The following COL27A1 variants were observed in gnomAD, a reference collection of about 807,000 sequenced individuals.
COL27A1 encodes collagen alpha-1(XXVII) chain.
In COL27A1, 106 loss-of-function variants were observed where a neutral mutation model predicts 251.3. The observed-to-expected ratio is 0.42, with a 90% confidence interval of 0.36 to 0.50. The LOEUF (loss-of-function observed/expected upper bound fraction) is 0.50. COL27A1 is among the 20% of genes least tolerant of loss of function. The probability of loss-of-function intolerance (pLI) is 0.00; values close to 1 mark genes in which losing one functional copy is unlikely to be tolerated. For missense variants in COL27A1, 2,325 were observed against 2,522.8 expected (o/e 0.92, Z 1.68); for synonymous variants, 1,000 against 986.3 (o/e 1.01, Z -0.26).
intron 16 of COL27A1, among the ~76,000 whole-genome samples, chr9:114,232,406 C>T (rs1014395269): frequency 1.3e-5 from 2 of 152,224 alleles, no homozygotes; most frequent in African/African-American, 4.8e-5. Context: ...TGTGCCAAAC[C>T]AGAGTTGGAA....
chr9:114,155,820 G>A lies in COL27A1; in HGVS notation c.-131G>A, dbSNP rs1210252069. Reference sequence around the variant, plus strand: ...TGCCTGCTCGGGCGCCCCTGGGCGCGGGGCTGCGCTGGGGGCGCGGGGGCC... The same window carrying A: ...TGCCTGCTCGGGCGCCCCTGGGCGCAGGGCTGCGCTGGGGGCGCGGGGGCC... On this transcript the variant is annotated 5_prime_UTR_variant, in exon 1 of 61. Coordinates refer to ENST00000356083, the MANE Select transcript of COL27A1 (RefSeq NM_032888.4). This position sits in a 1 kb window ranked among gnomAD's most constrained non-coding sequence, Gnocchi z 5.5. 1 of 748,778 alleles carries A rather than the reference G, an allele frequency of 1.3e-6. No homozygotes were observed. The highest frequency in any genetic ancestry group is 1.9e-5 in the African/African-American group (1 of 52,406). 46.4% of individuals were successfully genotyped at this position (748,778 alleles called of 1,614,324 possible).
intron 5 of COL27A1, among the ~76,000 whole-genome samples, chr9:114,193,717 G>T (rs975342465): frequency 6.6e-6 from 1 of 152,114 alleles, no homozygotes; most frequent in African/African-American, 2.4e-5. Context: ...CCTGTAAGTG[G>T]CTGTTCGTGC....
At chr9:114,188,510 C>T (rs1828536782) in intron 5 of COL27A1, among the ~76,000 whole-genome samples, 1 of 152,164 alleles carries the variant, frequency 6.6e-6, no homozygotes, top group Non-Finnish European at 1.5e-5. Context: ...GTTCATACCT[C>T]ATAGGATTGT....
At chr9:114,249,198 C>T (rs1184401595) in intron 24 of COL27A1, among the ~76,000 whole-genome samples, 2 of 152,166 alleles carry the variant, frequency 1.3e-5, no homozygotes, top group African/African-American at 2.4e-5. Flanking sequence ...GTGCTCAATA[C>T]GTTGAAGCCG....
intron 12 of COL27A1, among the ~76,000 whole-genome samples, chr9:114,212,793 C>T (rs529494817): frequency 4.6e-5 from 7 of 152,300 alleles, no homozygotes; most frequent in East Asian, 3.9e-4. Flanking sequence ...TAGAGCCGCC[C>T]GGAATAAGGT....
At chr9:114,170,740 C>T (rs1466007740) in intron 3 of COL27A1, among the ~76,000 whole-genome samples, 1 of 152,200 alleles carries the variant, frequency 6.6e-6, no homozygotes, top group Non-Finnish European at 1.5e-5. Flanking sequence ...AAATTGGCAG[C>T]GTAGAGAGTT....
At chr9:114,308,314 A>G (rs975358019) in intron 59 of COL27A1, among the ~76,000 whole-genome samples, 1 of 152,230 alleles carries the variant, frequency 6.6e-6, no homozygotes, top group Non-Finnish European at 1.5e-5. Flanking sequence ...GTGGGTCTGT[A>G]GTTCCACTAA....
chr9:114,219,365 G>T (rs1830928501), intron 12 of COL27A1, among the ~76,000 whole-genome samples: 1 of 152,204 alleles, frequency 6.6e-6, no homozygotes, highest in Non-Finnish European at 1.5e-5. Flanking sequence ...GGCTTTTGAA[G>T]AACGTGCCAC....
At chr9:114,233,457 G>A (rs1490845956) in intron 16 of COL27A1, among the ~76,000 whole-genome samples, 1 of 151,012 alleles carries the variant, frequency 6.6e-6, no homozygotes, top group Non-Finnish European at 1.5e-5. Flanking sequence ...TTGCCCTGCT[G>A]TCTGCTACAC....
intron 5 of COL27A1, 128 bp from the exon 6 acceptor site, chr9:114,194,276 G>A: frequency 1.2e-6 from 1 of 845,740 alleles, no homozygotes; most frequent in East Asian, 2.4e-5. Flanking sequence ...CCCTCTGGAG[G>A]TGTGTGAGTG....
chr9:114,301,978 G>T, intron 55 of COL27A1, 104 bp from the exon 56 acceptor site: 4 of 1,174,292 alleles, frequency 3.4e-6, no homozygotes, highest in East Asian at 2.3e-5. Flanking sequence ...AGGCCAGCTT[G>T]GCAGGTCCTG....
At chr9:114,236,917 G>C (rs1485993311) in intron 17 of COL27A1, 64 bp from the exon 18 acceptor site, 1 of 1,489,660 alleles carries the variant, frequency 6.7e-7, no homozygotes. Flanking sequence ...AGGAGGACTG[G>C]GCGGCTGTTC....
chr9:114,235,449 C>T (rs1832311142), intron 16 of COL27A1, 150 bp from the exon 17 acceptor site: 2 of 732,956 alleles, frequency 2.7e-6, no homozygotes, highest in Non-Finnish European at 5.0e-6. Flanking sequence ...TCGCCAGGGG[C>T]CCGTCCTTTC....
Position 114,288,952 on chromosome 9 carries a change from C to A in COL27A1, c.4137C>A (p.Gly1379=), listed in dbSNP as rs756513517. Residue 1379 remains glycine, a synonymous_variant, in exon 44 of 61, where the codon GGC becomes GGA. Coordinates refer to ENST00000356083, the MANE Select transcript of COL27A1 (RefSeq NM_032888.4). ...TGCAAGGCCTCCGTGGAAAGCCAGG[C>A]CAGCAGGGCCAACCCGTGAGTGGTG... is the stretch of plus-strand genomic sequence containing the variant. ...EGVQGLRGKP[G]QQGQPGHPGP... is the part of the protein sequence containing the mutation. 3 of 1,613,614 alleles carry A rather than the reference C, an allele frequency of 1.9e-6. No homozygotes were observed. The highest frequency in any genetic ancestry group is 2.5e-6 in the Non-Finnish European group (3 of 1,180,016).
intron 2 of COL27A1, among the ~76,000 whole-genome samples, chr9:114,164,445 G>T (rs1428258648): frequency 6.6e-6 from 1 of 152,172 alleles, no homozygotes. Context: ...TGGTCTTTGG[G>T]GGACACCTGG....
intron 57 of COL27A1, 80 bp downstream of exon 57, chr9:114,304,753 C>A: frequency 4.0e-6 from 5 of 1,252,558 alleles, no homozygotes; most frequent in South Asian, 1.2e-5. Flanking sequence ...GTGGTCAGTG[C>A]CTTCCATGTG....
Position 114,288,821 on chromosome 9 carries a change from G to A in COL27A1, c.4098+66G>A, listed in dbSNP as rs1048028611. The stretch of plus-strand genomic sequence containing the variant: ...GTCAGGGAGAGGGGGGATGACACAT[G>A]TCTAGAAAGAACAAGAACTTCCCAG... On this transcript the variant is annotated intron_variant, in intron 43 of 60. Coordinates refer to ENST00000356083, the MANE Select transcript of COL27A1 (RefSeq NM_032888.4). 1.0e-5 allele frequency: 16 copies of A among 1,603,540 alleles called. No individual in the cohort carries two copies. The African/African-American group carries it at 1.1e-4, about 11-fold the overall frequency.
At chr9:114,209,419 G>T (rs771267577) in intron 10 of COL27A1, 2 of 747,920 alleles carry the variant, frequency 2.7e-6, no homozygotes, top group South Asian at 1.4e-5. Flanking sequence ...TCCTGCCGGC[G>T]AGCGCCTGCG....
chr9:114,237,032 C>T lies in COL27A1; in HGVS notation c.2671C>T (p.Leu891=), dbSNP rs1195508145. ...FPGARGKPGP[L]GKVGDKGSIG... ...CGGTGCACGGGGGAAGCCAGGGCCTCTGGTAAGTACCTGCTCCTCCAGCAC... is the reference window on the plus strand; with the variant it reads ...CGGTGCACGGGGGAAGCCAGGGCCTTTGGTAAGTACCTGCTCCTCCAGCAC... Residue 891 remains leucine (L), a splice_region_variant and synonymous_variant, in exon 18 of 61, where the codon CTG becomes TTG. Coordinates refer to ENST00000356083, the MANE Select transcript of COL27A1 (RefSeq NM_032888.4). 1.9e-6 allele frequency: 3 copies of T among 1,606,360 alleles called. No individual in the cohort carries two copies.
Sources: allele counts gnomAD v4.1 joint callset (sites outside exome capture counted in the v4.1 genomes callset), GRCh38; gene constraint gnomAD v4.1.1; non-coding constraint Gnocchi (gnomAD v3.1); transcripts MANE v1.5; gene names NCBI Gene and HGNC (gene_info 2026-07-23, HGNC 2026-07-21).